The following WNK4 variants were observed in gnomAD, a reference collection of about 807,000 sequenced individuals.
WNK4 encodes the protein WNK lysine deficient protein kinase 4.
Under a neutral mutation model 116.2 loss-of-function variants are expected in WNK4, and 94 were observed. The observed-to-expected ratio is 0.81, with a 90% CI of 0.68 to 0.96. The LOEUF is 0.96. Ranked by LOEUF, WNK4 falls within the 40% of genes least tolerant of loss-of-function variation. The pLI is 0.00. For missense variants in WNK4, 1,542 were observed against 1,650.6 expected, an observed-to-expected ratio of 0.93 and a Z score of 1.14; for synonymous variants, 655 against 672.7, an observed-to-expected ratio of 0.97 and a Z score of 0.41.
At chr17:42,781,437 A>T in intron 1 of WNK4, 121 bp downstream of exon 1, 1 of 1,323,234 alleles carries the variant, frequency 7.6e-7, no homozygotes, top group Non-Finnish European at 1.1e-6. Flanking sequence ...TCAAATGTCT[A>T]TAGACACCTC....
At chr17:42,792,098 C>T (rs1395246668) in intron 11 of WNK4, among the ~76,000 whole-genome samples, 3 of 152,214 alleles carry the variant, frequency 2.0e-5, no homozygotes, top group African/African-American at 7.2e-5. Flanking sequence ...GTTCAAACTT[C>T]AGCTCTGTTA....
Position 42,795,932 on chromosome 17 carries a change from G to C in WNK4, c.3330G>C (p.Trp1110Cys). The C allele has an allele frequency of 6.2e-7, 1 of 1,612,716 alleles. No homozygotes were observed. The highest frequency in any genetic ancestry group is 8.5e-7 in the Non-Finnish European group (1 of 1,179,332). The change falls in exon 16 of 19, where the codon TGG becomes TGC. Residue 1110 changes from tryptophan to cysteine, a missense_variant. Trp to Cys is a radical substitution (Grantham distance 215). Transcript: ENST00000246914. The stretch of plus-strand genomic sequence containing the variant: ...CCCTGAGCCATCCCAGCCCAGTGTG[G>C]ATGAACTACTCCTACAGCAGCCTGT... ...PQPLSHPSPV[W>C]MNYSYSSLCL...
At chr17:42,794,546 C>T (rs1042486588) in intron 12 of WNK4, 68 bp from the exon 13 acceptor site, 33 of 1,582,968 alleles carry the variant, frequency 2.1e-5, no homozygotes, top group Non-Finnish European at 2.6e-5. Flanking sequence ...TTAGGAACCC[C>T]GGTCTGACAC....
At position 42,780,631 on chromosome 17, in the gene WNK4, G is replaced by A. The variant is rs1465949662; in HGVS notation, c.-68G>A. 19 of 1,588,606 alleles carry A rather than the reference G, an allele frequency of 1.2e-5. No individual in the cohort carries two copies. Among genetic ancestry groups the A allele is most frequent in the Non-Finnish European group, 1.3e-5 (15 of 1,174,272 alleles). On this transcript the variant is annotated 5_prime_UTR_variant, in exon 1 of 19. Coordinates refer to ENST00000246914, the MANE Select transcript of WNK4 (RefSeq NM_032387.5). ...AGCCGGAGCGCAGCGCACCCAGCGA[G>A]TCCGTCTGTCAGGCCGCCTCCTCTC...
At position 42,796,283 on chromosome 17, in the gene WNK4, C is replaced by A; in HGVS notation, c.3592C>A (p.Arg1198Ser). Residue 1198 changes from arginine to serine, a missense_variant, in exon 17 of 19, where the codon CGC becomes AGC. Coordinates refer to ENST00000246914, the MANE Select transcript of WNK4 (RefSeq NM_032387.5). ...CTCCAAGGGCAGCTTCCCCACCTCC[C>A]GCCGCAACAGCCTACAGCGCTCTGA... ...RLSKGSFPTS[R>S]RNSLQRSEPP... is the part of the protein sequence containing the mutation. The A allele has an allele frequency of 6.2e-7, 1 of 1,610,958 alleles. No individual in the cohort carries two copies. Among genetic ancestry groups the A allele is most frequent in the East Asian group, 2.2e-5 (1 of 44,698 alleles).
At position 42,785,459 on chromosome 17, in the gene WNK4, GC is replaced by G. The variant is rs1368573831; in HGVS notation, c.1455del (p.Glu486ArgfsTer175). Reference sequence around the variant, plus strand: ...CCTGTTCCAGCTGGGCCGGGACGCGGCCGAGGAGGTGGCACAGGAGATGGTG... The same window carrying G: ...CCTGTTCCAGCTGGGCCGGGACGCGGCGAGGAGGTGGCACAGGAGATGGTG... Reference protein sequence around the residue: ...EFLFQLGRDAAEEVAQEMVAL... With the variant: ...EFLFQLGRDAXEEVAQEMVAL... On this transcript the variant is annotated frameshift_variant, in exon 6 of 19. Transcript: ENST00000246914. LOFTEE classifies it high-confidence loss of function. 1.3e-6 allele frequency: 2 copies of G among 1,553,362 alleles called. No individual in the cohort carries two copies. Among genetic ancestry groups the G allele is most frequent in the African/African-American group, 2.7e-5 (2 of 73,174 alleles).
Position 42,784,668 on chromosome 17 carries a change from C to T in WNK4, c.1170+89C>T, listed in dbSNP as rs527449977. The stretch of plus-strand genomic sequence containing the variant: ...CCAGCCCGCAGTCAATGCCCTTTGC[C>T]TGCACGAAAACAGGCTAGACACAGA... On this transcript the variant is annotated intron_variant, in intron 4 of 18. Coordinates refer to ENST00000246914, the MANE Select transcript of WNK4 (RefSeq NM_032387.5). This position sits in a 1 kb window ranked among gnomAD's most constrained non-coding sequence, Gnocchi z 4.4. The T allele has an allele frequency of 7.0e-5, 109 of 1,553,018 alleles. No individual in the cohort carries two copies. Among genetic ancestry groups the T allele is most frequent in the Admixed American group, 1.1e-4 (6 of 54,824 alleles).
Position 42,793,595 on chromosome 17 carries a change from TATA to T in WNK4, c.2163_2165del (p.Asn722del). 6.2e-7 allele frequency: 1 copy of T among 1,613,964 alleles called. No individual in the cohort carries two copies. Reference sequence around the variant, plus strand: ...CCATCCTGTTGACCCTCGCAAGGTATATAACGAGTTCATTCTGCCTTCGGAGCG... The same window carrying T: ...CCATCCTGTTGACCCTCGCAAGGTATACGAGTTCATTCTGCCTTCGGAGCG... On this transcript the variant is annotated inframe_deletion, in exon 12 of 19. Coordinates refer to ENST00000246914, the MANE Select transcript of WNK4 (RefSeq NM_032387.5).
Position 42,780,766 on chromosome 17 carries a change from G to A in WNK4, c.68G>A (p.Arg23Gln). 1 of 1,607,270 alleles carries A rather than the reference G, an allele frequency of 6.2e-7. No individual in the cohort carries two copies. The highest frequency in any genetic ancestry group is 8.5e-7 in the Non-Finnish European group (1 of 1,179,330). ...MSQTEADLAL[R>Q]PPPPLGTAGQ... ...CAGACTGAGGCCGACCTGGCCCTGCGGCCCCCGCCTCCTCTTGGCACCGCG... is the reference window on the plus strand; with the variant it reads ...CAGACTGAGGCCGACCTGGCCCTGCAGCCCCCGCCTCCTCTTGGCACCGCG... The change falls in exon 1 of 19, where the codon CGG (arginine) becomes CAG (glutamine). Residue 23 changes from arginine to glutamine, a missense_variant. Arg to Gln is a conservative substitution (Grantham distance 43). Coordinates refer to ENST00000246914, the MANE Select transcript of WNK4 (RefSeq NM_032387.5).
At position 42,783,307 on chromosome 17, in the gene WNK4, C is replaced by T. The variant is rs539212161; in HGVS notation, c.791+377C>T. ...TTCCCAAACTCTGCCACCCTCTAAG[C>T]GATCCTATCTTCCTGCAGCCTGGAG... On this transcript the variant is annotated intron_variant, in intron 2 of 18. Transcript: ENST00000246914. Among the ~76,000 whole-genome samples the T allele has an allele frequency of 5.3e-5, 8 of 152,304 alleles. No individual in the cohort carries two copies. In the East Asian group the frequency reaches 1.3e-3, roughly 26 times the overall value.
rs1248791020 is a variant in WNK4 at position 42,788,817 on chromosome 17, G to A, written c.2157+20G>A. On this transcript the variant is annotated intron_variant, in intron 11 of 18. Coordinates refer to ENST00000246914, the MANE Select transcript of WNK4 (RefSeq NM_032387.5). ...GCCATGGTGAGGGGGAGAGAGATGAGGACAGAGTGTTTGGATCTGGAACAA... is the reference window on the plus strand; with the variant it reads ...GCCATGGTGAGGGGGAGAGAGATGAAGACAGAGTGTTTGGATCTGGAACAA... The A allele has an allele frequency of 4.4e-6, 7 of 1,573,160 alleles. No homozygotes were observed. The Admixed American group carries it at 5.0e-5, about 11-fold the overall frequency.
In WNK4 at chr17:42,795,094, G is replaced by T; in HGVS notation, c.2673G>T (p.Thr891=). ...CTCTCCCCACGACTTCTCCACCTAC[G>T]TTCTCTCCCACTTGTTCTCAGGTCA... The part of the protein sequence containing the change: ...WSSLPTTSPP[T]FSPTCSQVTL... Residue 891 remains threonine (T), a synonymous_variant, in exon 14 of 19, where the codon ACG becomes ACT. Coordinates refer to ENST00000246914, the MANE Select transcript of WNK4 (RefSeq NM_032387.5). 6.2e-7 allele frequency: 1 copy of T among 1,613,768 alleles called. No individual in the cohort carries two copies. Among genetic ancestry groups the T allele is most frequent in the Non-Finnish European group, 8.5e-7 (1 of 1,179,946 alleles).
Position 42,781,253 on chromosome 17 carries a change from C to A in WNK4, c.555C>A (p.Phe185Leu), listed in dbSNP as rs1485998067. The A allele has an allele frequency of 1.2e-6, 2 of 1,614,176 alleles. No homozygotes were observed. Among genetic ancestry groups the A allele is most frequent in the South Asian group, 2.2e-5 (2 of 91,074 alleles). ...ACATCGAGATTGGACGTGGCTCCTTCAAGACGGTGTATCGAGGGCTAGACA... is the reference window on the plus strand; with the variant it reads ...ACATCGAGATTGGACGTGGCTCCTTAAAGACGGTGTATCGAGGGCTAGACA... ...KFDIEIGRGS[F>L]KTVYRGLDTD... The change falls in exon 1 of 19, where the codon TTC becomes TTA. Residue 185 changes from phenylalanine to leucine, a missense_variant. Physicochemically the swap from Phe to Leu is conservative, Grantham distance 22. Transcript: ENST00000246914.
chr17:42,785,556 TG>T (rs1166202471), intron 6 of WNK4, 74 bp downstream of exon 6: 20 of 1,516,452 alleles, frequency 1.3e-5, no homozygotes, highest in Non-Finnish European at 1.8e-5. Context: ...GCAACAGGGA[TG>T]GGGCGCAGGA....
intron 12 of WNK4, chr17:42,793,942 T>A (rs2144073888): frequency 1.8e-6 from 1 of 559,622 alleles, no homozygotes. Context: ...AAGCTCCGCC[T>A]CCCGGGTTCA....
At chr17:42,793,758 G>A (rs992250847) in intron 12 of WNK4, 29 bp downstream of exon 12, 2 of 1,613,380 alleles carry the variant, frequency 1.2e-6, no homozygotes, top group African/African-American at 2.7e-5. Flanking sequence ...CACTTCCAGG[G>A]GAAATGGACT....
chr17:42,793,499 C>T (rs1213002184), intron 11 of WNK4, 93 bp from the exon 12 acceptor site: 22 of 1,563,492 alleles, frequency 1.4e-5, no homozygotes, highest in East Asian at 6.9e-5. Flanking sequence ...CGTGAGCCAC[C>T]GCGCCCAGCC....
Position 42,787,821 on chromosome 17 carries a change from G to C in WNK4, c.1785G>C (p.Leu595=). 1 of 1,612,536 alleles carries C rather than the reference G, an allele frequency of 6.2e-7. No individual in the cohort carries two copies. The highest frequency in any genetic ancestry group is 8.5e-7 in the Non-Finnish European group (1 of 1,180,028). Residue 595 remains leucine, a synonymous_variant, in exon 8 of 19, where the codon CTG becomes CTC. Transcript: ENST00000246914. ...TDGYLSSSGF[L]DASDPALQPP... ...GCTACCTCAGCTCCTCCGGCTTCCTGGATGCCTCAGACCCTGCCCTTCAGC... is the reference window on the plus strand; with the variant it reads ...GCTACCTCAGCTCCTCCGGCTTCCTCGATGCCTCAGACCCTGCCCTTCAGC...
Position 42,796,301 on chromosome 17 carries a change from C to G in WNK4, c.3610C>G (p.Arg1204Gly), listed in dbSNP as rs56116165. 2 of 1,612,396 alleles carry G rather than the reference C, an allele frequency of 1.2e-6. No individual in the cohort carries two copies. The highest frequency in any genetic ancestry group is 3.3e-5 in the Admixed American group (2 of 59,736). ...CACCTCCCGCCGCAACAGCCTACAG[C>G]GCTCTGAGCCCCCAGGCCCTGGTGA... is the stretch of plus-strand genomic sequence containing the variant. ...FPTSRRNSLQ[R>G]SEPPGPGIMR... Residue 1204 changes from arginine to glycine, a missense_variant, in exon 17 of 19, where the codon CGC becomes GGC. By Grantham distance (125) the Arg-to-Gly change is moderately radical (BLOSUM62 -2). Transcript: ENST00000246914.
Sources: allele counts gnomAD v4.1 joint callset (sites outside exome capture counted in the v4.1 genomes callset), GRCh38; gene constraint gnomAD v4.1.1; non-coding constraint Gnocchi (gnomAD v3.1); transcripts MANE v1.5; gene names NCBI Gene and HGNC (gene_info 2026-07-23, HGNC 2026-07-21).